Variants in PWWP3B observed in about 807,000 individuals in gnomAD.
PWWP3B encodes the protein PWWP domain-containing DNA repair factor 3B.
Under a neutral mutation model 15.7 loss-of-function variants are expected in PWWP3B, and 5 were observed. That is an observed-to-expected ratio of 0.32 (90% confidence interval 0.17 to 0.67). PWWP3B has a LOEUF of 0.67. Among genes scored for constraint, PWWP3B ranks in the 30% least tolerant of loss-of-function variants. The pLI is 0.74. For synonymous variants in PWWP3B, 203 were observed against 179.8 expected (o/e 1.13, Z -1.03); for missense variants, 519 against 493.1 (o/e 1.05, Z -0.50).
chrX:106,207,737 C>G lies in PWWP3B; in HGVS notation c.*214C>G. On this transcript the variant is annotated 3_prime_UTR_variant, in exon 4 of 4. Transcript: ENST00000357175. Reference sequence around the variant, plus strand: ...AGTTAATTTTGTCAACATATTTCAGCAGTTCTACTTTCCCGTACATTTTTT... The same window carrying G: ...AGTTAATTTTGTCAACATATTTCAGGAGTTCTACTTTCCCGTACATTTTTT... 1 of 344,716 alleles carries G rather than the reference C, an allele frequency of 2.9e-6. No individual in the cohort carries two copies. Among genetic ancestry groups the G allele is most frequent in the East Asian group, 4.5e-5 (1 of 22,021 alleles). 28.4% of individuals were successfully genotyped at this position (344,716 alleles called of 1,213,427 possible). A position where few individuals can be genotyped will look rare whatever the true frequency, so the allele number is the denominator to read the frequency against.
Position 106,205,299 on chromosome X carries a change from G to A in PWWP3B, c.-134G>A. ...AGGTGGAGAACAGGCCACACAAGCT[G>A]TAAACCCTTTGTAGTCATAAGACGA... On this transcript the variant is annotated 5_prime_UTR_variant, in exon 4 of 4. Transcript: ENST00000357175. 1 of 613,723 alleles carries A rather than the reference G, an allele frequency of 1.6e-6. No homozygotes were observed. The highest frequency in any genetic ancestry group is 2.4e-6 in the Non-Finnish European group (1 of 416,892). 50.6% of individuals were successfully genotyped at this position (613,723 alleles called of 1,213,427 possible). A position where few individuals can be genotyped will look rare whatever the true frequency, so the allele number is the denominator to read the frequency against.
chrX:106,193,707 C>T (rs1022802480), intron 2 of PWWP3B, among the ~76,000 whole-genome samples: 3 of 111,796 alleles, frequency 2.7e-5, no homozygotes, highest in Non-Finnish European at 5.6e-5. Flanking sequence ...TTAGTGCTTC[C>T]TTTAGGAGCT....
At chrX:106,176,508 GA>G (rs1288303360) in intron 2 of PWWP3B, among the ~76,000 whole-genome samples, 1 of 111,707 alleles carries the variant, frequency 9.0e-6, no homozygotes, top group Non-Finnish European at 1.9e-5. Context: ...TAGGAGTGGG[GA>G]AAAATTATAC....
At chrX:106,194,625 T>C (rs1923252812) in intron 2 of PWWP3B, among the ~76,000 whole-genome samples, 1 of 112,018 alleles carries the variant, frequency 8.9e-6, no homozygotes, top group Non-Finnish European at 1.9e-5. Flanking sequence ...CTCTGATTTT[T>C]AGAGTTTCCA....
At chrX:106,196,658 T>C (rs1158555356) in intron 2 of PWWP3B, among the ~76,000 whole-genome samples, 1 of 111,988 alleles carries the variant, frequency 8.9e-6, no homozygotes, top group Non-Finnish European at 1.9e-5. Flanking sequence ...GGTCATAATG[T>C]ATTATTCTTT....
At chrX:106,191,140 TG>T (rs1175709391) in intron 2 of PWWP3B, among the ~76,000 whole-genome samples, 5 of 110,364 alleles carry the variant, frequency 4.5e-5, no homozygotes, top group Admixed American at 9.6e-5. Context: ...TTGGGCAGTA[TG>T]GCCATTTTCA....
At chrX:106,198,195 C>T (rs1923492083) in intron 2 of PWWP3B, among the ~76,000 whole-genome samples, 1 of 111,306 alleles carries the variant, frequency 9.0e-6, no homozygotes, top group African/African-American at 3.3e-5. Context: ...ATATAACCAC[C>T]ACCACAGTCA....
intron 2 of PWWP3B, among the ~76,000 whole-genome samples, chrX:106,172,627 A>G (rs1022552800): frequency 3.6e-5 from 4 of 110,913 alleles, no homozygotes; most frequent in African/African-American, 1.3e-4. Flanking sequence ...TGTCTCCTAG[A>G]ATAACAATGC....
chrX:106,169,082 T>A (rs765020236), intron 1 of PWWP3B, among the ~76,000 whole-genome samples: 97 of 111,222 alleles, frequency 8.7e-4, no homozygotes, highest in African/African-American at 3.0e-3. Context: ...AACAATATAC[T>A]TAGTAATAAA....
In PWWP3B at chrX:106,208,102, A is replaced by T. The variant is rs1924152394; in HGVS notation, c.*579A>T. ...TTATAACTATACTTGCTTTTGCAAT[A>T]AAACAACTTGTAATTCAAAAATGAA... On this transcript the variant is annotated 3_prime_UTR_variant, in exon 4 of 4. Coordinates refer to ENST00000357175, the MANE Select transcript of PWWP3B (RefSeq NM_001171020.2). The T allele has an allele frequency of 8.1e-6, 1 of 124,160 alleles. No individual in the cohort carries two copies. The highest frequency in any genetic ancestry group is 3.6e-4 in the South Asian group (1 of 2,797). The allele number at this position is 124,160 out of a possible 1,213,427, so 10.2% of individuals were successfully genotyped here. A position where few individuals can be genotyped will look rare whatever the true frequency, so the allele number is the denominator to read the frequency against.
intron 2 of PWWP3B, among the ~76,000 whole-genome samples, chrX:106,193,259 C>G (rs1181997816): frequency 9.0e-6 from 1 of 111,491 alleles, no homozygotes; most frequent in Non-Finnish European, 1.9e-5. Context: ...ATAGTTAGCT[C>G]TTCTTGTTGA....
intron 2 of PWWP3B, among the ~76,000 whole-genome samples, chrX:106,178,528 G>T (rs1001881475): frequency 1.8e-5 from 2 of 112,124 alleles, no homozygotes; most frequent in Non-Finnish European, 3.8e-5. Flanking sequence ...AAGAGATAGG[G>T]CAGGCTTTAC....
chrX:106,189,619 T>C (rs1357741471), intron 2 of PWWP3B, among the ~76,000 whole-genome samples: 8 of 101,464 alleles, frequency 7.9e-5, no homozygotes, highest in African/African-American at 2.5e-4. Context: ...TTTCTTTTTT[T>C]TTTTTTTTTT....
At chrX:106,189,497 G>A (rs1363823525) in intron 2 of PWWP3B, among the ~76,000 whole-genome samples, 6 of 110,178 alleles carry the variant, frequency 5.4e-5, no homozygotes, top group Admixed American at 9.7e-5. Flanking sequence ...TTTTGTCCTT[G>A]CGATAGTTTG....
rs753640082 is a variant in PWWP3B at position 106,189,283 on chromosome X, G to A, written c.-400-14702G>A. ...TTAGAGTACATGTGCACAACGTGCA[G>A]GTTTGTTACATATGTATACATGTGC... On this transcript the variant is annotated intron_variant, in intron 2 of 3. Transcript: ENST00000357175. Among the ~76,000 whole-genome samples, 7 of 110,993 alleles carry A rather than the reference G, an allele frequency of 6.3e-5. No homozygotes were observed. The East Asian group carries it at 2.0e-3, about 31-fold the overall frequency.
chrX:106,191,443 G>A (rs1291536152), intron 2 of PWWP3B, among the ~76,000 whole-genome samples: 5 of 111,556 alleles, frequency 4.5e-5, no homozygotes, highest in Non-Finnish European at 9.4e-5. Flanking sequence ...ATTTTGGGCT[G>A]AGACGATGGG....
Position 106,205,821 on chromosome X carries a change from C to G in PWWP3B, c.389C>G (p.Pro130Arg), listed in dbSNP as rs773181140. ...NVPQKQSDSP[P>R]HKKYRKDEGD... ...CCACAAAAACAGTCCGATTCACCCC[C>G]TCATAAAAAATACCGGAAGGATGAA... Residue 130 changes from proline to arginine, a missense_variant, in exon 4 of 4, where the codon CCT becomes CGT. Physicochemically the swap from Pro to Arg is moderately radical, Grantham distance 103. Coordinates refer to ENST00000357175, the MANE Select transcript of PWWP3B (RefSeq NM_001171020.2). The G allele has an allele frequency of 8.3e-7, 1 of 1,211,388 alleles. No individual in the cohort carries two copies. Among genetic ancestry groups the G allele is most frequent in the Non-Finnish European group, 1.1e-6 (1 of 895,320 alleles).
intron 2 of PWWP3B, among the ~76,000 whole-genome samples, chrX:106,191,556 G>T (rs1922963902): frequency 9.0e-6 from 1 of 111,171 alleles, no homozygotes; most frequent in Non-Finnish European, 1.9e-5. Flanking sequence ...TGATTGCCCT[G>T]GCCAGAACTT....
At chrX:106,174,579 A>C (rs771076676) in intron 2 of PWWP3B, among the ~76,000 whole-genome samples, 2 of 112,152 alleles carry the variant, frequency 1.8e-5, no homozygotes, top group East Asian at 5.6e-4. Flanking sequence ...CCAATTGTTA[A>C]TGAGGGTAGA....
Sources: allele counts gnomAD v4.1 joint callset (sites outside exome capture counted in the v4.1 genomes callset), GRCh38; gene constraint gnomAD v4.1.1; transcripts MANE v1.5; gene names NCBI Gene and HGNC (gene_info 2026-07-23, HGNC 2026-07-21).